The following AKR1C3 variants were observed in gnomAD, a reference collection of about 807,000 sequenced individuals.
AKR1C3 encodes aldo-keto reductase family 1 member C3.
AKR1C3 carries 48 observed loss-of-function variants against 43.6 expected under a neutral mutation model. The ratio of observed to expected loss-of-function variants is 1.10; its 90% confidence interval spans 0.87 to 1.40. AKR1C3 has a LOEUF of 1.40. Ranked by LOEUF, AKR1C3 falls within the 40% of genes most tolerant of loss-of-function variation. The pLI, the probability that AKR1C3 is intolerant of heterozygous loss-of-function variation, is 0.00. For missense variants in AKR1C3, 482 were observed against 391.2 expected, an observed-to-expected ratio of 1.23 and a Z score of -1.96; for synonymous variants, 162 against 139.6, an observed-to-expected ratio of 1.16 and a Z score of -1.13.
intron 5 of AKR1C3, among the ~76,000 whole-genome samples, chr10:5,100,125 T>C (rs139238639): frequency 0.022 from 3,372 of 152,204 alleles, 133 homozygotes; most frequent in African/African-American, 0.078. Flanking sequence ...AAAGCCCATC[T>C]CTACTAAAAA....
At chr10:5,099,295 C>T (rs1297742586) in intron 4 of AKR1C3, 32 bp from the exon 5 acceptor site, 4 of 1,613,656 alleles carry the variant, frequency 2.5e-6, no homozygotes, top group Non-Finnish European at 2.5e-6. Context: ...GCCAACTGCA[C>T]AAATAATTCC....
intron 7 of AKR1C3, 75 bp from the exon 8 acceptor site, chr10:5,105,520 C>T (rs1464831570): frequency 4.5e-6 from 5 of 1,106,754 alleles, no homozygotes; most frequent in South Asian, 2.8e-5. Context: ...ATTGTCTCTG[C>T]ACCCTACTGT....
chr10:5,059,783 C>T (rs1478779276), intron 1 of AKR1C3, among the ~76,000 whole-genome samples: 2 of 151,848 alleles, frequency 1.3e-5, no homozygotes, highest in Non-Finnish European at 2.9e-5. Context: ...GATGGTCTCA[C>T]CCCTCGGCGA....
chr10:5,052,797 G>A (rs149376616), intron 1 of AKR1C3, among the ~76,000 whole-genome samples: 5,378 of 152,176 alleles, frequency 0.035, 119 homozygotes, highest in Middle Eastern at 0.061. Context: ...TAGATACAGA[G>A]TGTCGATTGG....
chr10:5,097,773 C>G, intron 3 of AKR1C3: 1 of 1,291,800 alleles, frequency 7.7e-7, no homozygotes, highest in South Asian at 1.6e-5. Context: ...CTCAAAGCCT[C>G]TTCCTCAAAA....
Position 5,065,112 on chromosome 10 carries a change from A to G in AKR1C3, c.84+16217A>G, listed in dbSNP as rs1217028119. Among the ~76,000 whole-genome samples the G allele has an allele frequency of 2.0e-5, 3 of 152,198 alleles. No individual in the cohort carries two copies. The East Asian group carries it at 5.8e-4, about 29-fold the overall frequency. ...GCTATTACTAAAAAGTCAAAAAATA[A>G]CAGGTGCTGCTAAGGTTCTAATGAA... On this transcript the variant is annotated intron_variant, in intron 1 of 8. Coordinates refer to the AKR1C3 transcript ENST00000439082.
intron 1 of AKR1C3, among the ~76,000 whole-genome samples, chr10:5,051,052 T>C (rs1179875575): frequency 6.6e-6 from 1 of 152,196 alleles, no homozygotes; most frequent in African/African-American, 2.4e-5. Flanking sequence ...TAGGCAGATG[T>C]ACAGGAATGT....
intron 1 of AKR1C3, among the ~76,000 whole-genome samples, chr10:5,087,005 G>T (rs1395912158): frequency 5.3e-5 from 8 of 152,068 alleles, no homozygotes; most frequent in East Asian, 1.9e-4. Flanking sequence ...CACACTGATG[G>T]GTCTTGACTC....
At chr10:5,076,698 C>G (rs1243123525) in intron 1 of AKR1C3, among the ~76,000 whole-genome samples, 2 of 152,162 alleles carry the variant, frequency 1.3e-5, no homozygotes, top group African/African-American at 4.8e-5. Context: ...GGAAGCATCT[C>G]TTTTCATGTG....
At chr10:5,071,371 A>G (rs371283098) in intron 1 of AKR1C3, among the ~76,000 whole-genome samples, 6 of 152,200 alleles carry the variant, frequency 3.9e-5, no homozygotes, top group African/African-American at 1.4e-4. Context: ...TTCCCTCTCT[A>G]CATAATGAGA....
At chr10:5,094,303 G>T, upstream of AKR1C3, 1 of 806,048 alleles carries the variant, frequency 1.2e-6, no homozygotes, top group Non-Finnish European at 2.0e-6. Context: ...ATATAAGACT[G>T]CCTATGTACC....
chr10:5,097,354 TCTAAA>T lies in AKR1C3; in HGVS notation c.253-79_253-75del, dbSNP rs1839230164. 4 of 1,524,782 alleles carry T rather than the reference TCTAAA, an allele frequency of 2.6e-6. No homozygotes were observed. In the Admixed American group the frequency reaches 8.4e-5, roughly 32 times the overall value. The allele number at this position is 1,524,782 out of a possible 1,614,324, so 94.5% of individuals were successfully genotyped here. ...TAAATTTTGAAGCAGTAGGAAAATATCTAAATACTAGATGGCACAAAGTAATAAGA... is the reference window on the plus strand; with the variant it reads ...TAAATTTTGAAGCAGTAGGAAAATATTACTAGATGGCACAAAGTAATAAGA... On this transcript the variant is annotated intron_variant, in intron 2 of 8. Transcript: ENST00000380554.
intron 1 of AKR1C3, among the ~76,000 whole-genome samples, chr10:5,067,410 T>C (rs2131798214): frequency 6.6e-6 from 1 of 152,266 alleles, no homozygotes; most frequent in South Asian, 2.1e-4. Context: ...TCCAAGAGTG[T>C]GGAGGGAACT....
chr10:5,072,641 A>ACAACTG (rs1838635486), intron 1 of AKR1C3, among the ~76,000 whole-genome samples: 1 of 152,228 alleles, frequency 6.6e-6, no homozygotes, highest in South Asian at 2.1e-4. Flanking sequence ...ACTCCAAGCT[A>ACAACTG]CAACTGCCTG....
intron 1 of AKR1C3, among the ~76,000 whole-genome samples, chr10:5,075,500 A>G (rs535371696): frequency 1.2e-4 from 19 of 152,094 alleles, no homozygotes; most frequent in Non-Finnish European, 8.8e-5. Context: ...CTGTCGGACC[A>G]TAAAGGATTG....
chr10:5,054,766 GTC>G (rs1475655848), intron 1 of AKR1C3, among the ~76,000 whole-genome samples: 1 of 151,628 alleles, frequency 6.6e-6, no homozygotes, highest in Non-Finnish European at 1.5e-5. Flanking sequence ...CCCTGTTTCT[GTC>G]TCTGTCTCTT....
At chr10:5,086,637 C>CT (rs1214863928) in intron 1 of AKR1C3, among the ~76,000 whole-genome samples, 1 of 151,948 alleles carries the variant, frequency 6.6e-6, no homozygotes, top group Admixed American at 6.6e-5. Context: ...TCCTTGTTAA[C>CT]TTTCTGTCTC....
At chr10:5,103,080 G>T (rs2131849009) in intron 7 of AKR1C3, among the ~76,000 whole-genome samples, 1 of 151,956 alleles carries the variant, frequency 6.6e-6, no homozygotes, top group Admixed American at 6.5e-5. Flanking sequence ...TAATAGAGAA[G>T]GTATTTCACC....
chr10:5,078,018 A>T (rs1395817021), intron 1 of AKR1C3: 7 of 672,300 alleles, frequency 1.0e-5, no homozygotes, highest in Middle Eastern at 4.7e-4. Flanking sequence ...ATTGTCAGTG[A>T]GCTGAAAATA....
Sources: allele counts gnomAD v4.1 joint callset (sites outside exome capture counted in the v4.1 genomes callset), GRCh38; gene constraint gnomAD v4.1.1; transcripts MANE v1.5; gene names NCBI Gene and HGNC (gene_info 2026-07-23, HGNC 2026-07-21).